The following HSPA9 variants were observed in gnomAD, a reference collection of about 807,000 sequenced individuals.
HSPA9 encodes stress-70 protein, mitochondrial.
Under a neutral mutation model 81.5 loss-of-function variants are expected in HSPA9, and 28 were observed. The observed-to-expected ratio is 0.34, with a 90% CI of 0.25 to 0.47. HSPA9 has a LOEUF of 0.47. HSPA9 is among the 20% of genes least tolerant of loss of function. The pLI, the probability that HSPA9 is intolerant of heterozygous loss-of-function variation, is 1.00. For missense variants in HSPA9, 678 were observed against 838.0 expected (o/e 0.81, Z 2.36); for synonymous variants, 293 against 290.4 (o/e 1.01, Z -0.09).
At chr5:138,567,381 G>A (rs1750789241) in intron 7 of HSPA9, 74 bp downstream of exon 7, 1 of 1,201,260 alleles carries the variant, frequency 8.3e-7, no homozygotes, top group Non-Finnish European at 1.2e-6. Context: ...CACTGTAAAA[G>A]GCTCAATTAC....
chr5:138,558,297 A>G (rs1299391669), intron 12 of HSPA9, among the ~76,000 whole-genome samples: 1 of 151,620 alleles, frequency 6.6e-6, no homozygotes, highest in Non-Finnish European at 1.5e-5. Flanking sequence ...TGCTGATCAG[A>G]AACCAGTAAC....
rs748256759 is a variant in HSPA9, at chr5:138,571,110, G to A, written c.260C>T (p.Thr87Ile). The change falls in exon 4 of 17, where the codon ACC becomes ATC. Residue 87 changes from threonine (T) to isoleucine (I), a missense_variant. Around this residue, in one of 4 missense-constraint regions of HSPA9, gnomAD observed 484 missense variants for 647.5 expected, o/e 0.75. Coordinates refer to ENST00000297185, the MANE Select transcript of HSPA9 (RefSeq NM_004134.7). ...TGCTGTAAAGGCCACAACTGAAGGG[G>A]TGGTTCTGGCACCTTCGGCATTCTC... The part of the protein sequence containing the change: ...VLENAEGART[T>I]PSVVAFTADG... 7 of 1,614,062 alleles carry A rather than the reference G, an allele frequency of 4.3e-6. No individual in the cohort carries two copies.
chr5:138,569,487 T>G (rs1472577161), intron 4 of HSPA9, among the ~76,000 whole-genome samples: 3 of 152,230 alleles, frequency 2.0e-5, no homozygotes, highest in Non-Finnish European at 4.4e-5. Context: ...ACAGCTCAAA[T>G]GTCCATCACT....
intron 8 of HSPA9, 109 bp downstream of exon 8, chr5:138,566,892 G>C: frequency 8.0e-7 from 1 of 1,246,204 alleles, no homozygotes; most frequent in Non-Finnish European, 1.2e-6. Context: ...GAGTATCTGT[G>C]TCTAGAATAA....
intron 14 of HSPA9, 120 bp from the exon 15 acceptor site, chr5:138,556,986 G>A: frequency 1.3e-6 from 1 of 764,134 alleles, no homozygotes; most frequent in Non-Finnish European, 2.3e-6. Flanking sequence ...GAGTAAGAGG[G>A]AGAAATCAGA....
intron 10 of HSPA9, among the ~76,000 whole-genome samples, chr5:138,560,596 T>C (rs900958199): frequency 6.6e-6 from 1 of 151,456 alleles, no homozygotes; most frequent in African/African-American, 2.4e-5. Context: ...AGTCTCGCTG[T>C]GTCGCTCAGG....
Position 138,555,636 on chromosome 5 carries a change from C to T in HSPA9, c.*401G>A, listed in dbSNP as rs1411936343. The T allele has an allele frequency of 3.2e-6, 1 of 312,950 alleles. No individual in the cohort carries two copies. Among genetic ancestry groups the T allele is most frequent in the Non-Finnish European group, 6.2e-6 (1 of 162,252 alleles). 19.4% of individuals were successfully genotyped at this position (312,950 alleles called of 1,614,324 possible). A position where few individuals can be genotyped will look rare whatever the true frequency, so the allele number is the denominator to read the frequency against. On this transcript the variant is annotated 3_prime_UTR_variant, in exon 17 of 17. Coordinates refer to ENST00000297185, the MANE Select transcript of HSPA9 (RefSeq NM_004134.7). ...TACAGGCCAGTACAGCAGTACTAGG[C>T]TAACTAGAAGGATCTCATCCCCATA...
At chr5:138,561,511 G>A in intron 10 of HSPA9, 69 bp downstream of exon 10, 1 of 1,251,880 alleles carries the variant, frequency 8.0e-7, no homozygotes, top group Non-Finnish European at 1.2e-6. Flanking sequence ...ATATATTTGT[G>A]CCACCTGTCC....
rs1014900441 is a variant in HSPA9, at chr5:138,574,868, ACT to A, written c.81+368_81+369del. The stretch of plus-strand genomic sequence containing the variant: ...CACCGTATCAACGGGATCCTTACAC[ACT>A]CTGTATTCTGTAGAGGAGCCAAAAA... On this transcript the variant is annotated intron_variant, in intron 1 of 16. Coordinates refer to ENST00000297185, the MANE Select transcript of HSPA9 (RefSeq NM_004134.7). 8.1e-5 allele frequency: 23 copies of A among 282,340 alleles called. No homozygotes were observed. The South Asian group carries it at 1.1e-3, about 13-fold the overall frequency. The allele number at this position is 282,340 out of a possible 1,614,324, so 17.5% of individuals were successfully genotyped here.
intron 9 of HSPA9, among the ~76,000 whole-genome samples, chr5:138,564,965 GT>G (rs1750733287): frequency 2.0e-5 from 3 of 152,222 alleles, no homozygotes; most frequent in Admixed American, 2.0e-4. Flanking sequence ...CTAGTTTAAC[GT>G]TTACTAATCT....
At chr5:138,568,003 T>G (rs751757673) in intron 5 of HSPA9, among the ~76,000 whole-genome samples, 1 of 149,568 alleles carries the variant, frequency 6.7e-6, no homozygotes, top group East Asian at 2.0e-4. Flanking sequence ...CTAACCAATA[T>G]GGAGAAACCC....
rs1266697766 is a variant in HSPA9, at chr5:138,556,096, C to T, written c.1981G>A (p.Gly661Ser). Residue 661 changes from glycine (G) to serine (S), a missense_variant, in exon 17 of 17, where the codon GGC (glycine) becomes AGC (serine). Coordinates refer to ENST00000297185, the MANE Select transcript of HSPA9 (RefSeq NM_004134.7). ...TCCCCAGTGCCAGAACTTCCAGAGC[C>T]TTCTCGCTCAGATGCCATCTGTTAA... The part of the protein sequence containing the change: ...AYKKMASERE[G>S]SGSSGTGEQK... The T allele has an allele frequency of 6.2e-7, 1 of 1,613,614 alleles. No individual in the cohort carries two copies.
intron 10 of HSPA9, chr5:138,561,100 C>T (rs914663160): frequency 6.1e-6 from 3 of 489,974 alleles, no homozygotes; most frequent in African/African-American, 3.9e-5. Flanking sequence ...GAATAAAATA[C>T]ATCATTGCAC....
chr5:138,573,533 C>T (rs1229090696), intron 3 of HSPA9, among the ~76,000 whole-genome samples: 1 of 148,942 alleles, frequency 6.7e-6, no homozygotes. Context: ...TGCCTGTAAT[C>T]CCAGCTATGT....
intron 6 of HSPA9, 37 bp downstream of exon 6, chr5:138,567,612 C>T: frequency 1.2e-6 from 2 of 1,610,198 alleles, no homozygotes; most frequent in Non-Finnish European, 1.7e-6. Context: ...TCCCAGGCAC[C>T]TTACTTTTTG....
At position 138,556,342 on chromosome 5, in the gene HSPA9, A is replaced by G. The variant is rs541755903; in HGVS notation, c.1962+110T>C. 7.5e-6 allele frequency: 10 copies of G among 1,336,938 alleles called. No homozygotes were observed. The South Asian group carries it at 9.4e-5, about 13-fold the overall frequency. 82.8% of individuals were successfully genotyped at this position (1,336,938 alleles called of 1,614,324 possible). A position where few individuals can be genotyped will look rare whatever the true frequency, so the allele number is the denominator to read the frequency against. Reference sequence around the variant, plus strand: ...GGCAGGAGACTATCTCCCAACTCTAATCTCACTCTAAATTCCACAAATGGC... The same window carrying G: ...GGCAGGAGACTATCTCCCAACTCTAGTCTCACTCTAAATTCCACAAATGGC... On this transcript the variant is annotated intron_variant, in intron 16 of 16. Coordinates refer to ENST00000297185, the MANE Select transcript of HSPA9 (RefSeq NM_004134.7).
At chr5:138,573,590 T>C (rs1750999622) in intron 3 of HSPA9, among the ~76,000 whole-genome samples, 173 bp downstream of exon 3, 1 of 125,720 alleles carries the variant, frequency 8.0e-6, no homozygotes, top group Non-Finnish European at 1.6e-5. Context: ...GAGGTTGCAG[T>C]GAGCGGAGAC....
intron 9 of HSPA9, among the ~76,000 whole-genome samples, chr5:138,562,256 G>A (rs1381439136): frequency 6.7e-6 from 1 of 148,988 alleles, no homozygotes; most frequent in Non-Finnish European, 1.5e-5. Context: ...TACTCTTTAA[G>A]ATGCAATGTT....
intron 1 of HSPA9, chr5:138,574,939 C>T: frequency 1.9e-6 from 1 of 528,532 alleles, no homozygotes; most frequent in African/African-American, 1.9e-5. Context: ...GCATCCCTCA[C>T]CCCCAAGGCC....
Sources: allele counts gnomAD v4.1 joint callset (sites outside exome capture counted in the v4.1 genomes callset), GRCh38; gene constraint gnomAD v4.1.1; regional missense constraint gnomAD v4.1.1; transcripts MANE v1.5; gene names NCBI Gene and HGNC (gene_info 2026-07-23, HGNC 2026-07-21).